THSD7A: variants seen among roughly 807,000 people sequenced by gnomAD.
THSD7A encodes the protein thrombospondin type 1 domain containing 7A, also known as thrombospondin type-1 domain-containing protein 7A.
THSD7A carries 96 observed loss-of-function variants against 231.3 expected under a neutral mutation model. The observed-to-expected ratio is 0.41, with a 90% CI of 0.35 to 0.49. The LOEUF (loss-of-function observed/expected upper bound fraction) is 0.49, where lower values mean the gene tolerates loss of function less well. Ranked by LOEUF, THSD7A falls within the 20% of genes least tolerant of loss-of-function variation. THSD7A has a pLI of 0.05. For synonymous variants in THSD7A, 940 were observed against 743.3 expected (o/e 1.26, Z -4.30); for missense variants, 2,290 against 2,070.2 (o/e 1.11, Z -2.06).
At chr7:11,466,330 T>G (rs1167273282) in intron 9 of THSD7A, among the ~76,000 whole-genome samples, 1 of 152,192 alleles carries the variant, frequency 6.6e-6, no homozygotes, top group Non-Finnish European at 1.5e-5. Context: ...AAATGATACT[T>G]GGGTTATTTC....
chr7:11,567,222 A>C (rs1000243754), intron 4 of THSD7A, among the ~76,000 whole-genome samples: 2 of 152,114 alleles, frequency 1.3e-5, no homozygotes, highest in Non-Finnish European at 2.9e-5. Flanking sequence ...GCCTCTGGAA[A>C]CTTAAAAATC....
At chr7:11,483,367 C>G (rs1437606059) in intron 6 of THSD7A, among the ~76,000 whole-genome samples, 1 of 152,186 alleles carries the variant, frequency 6.6e-6, no homozygotes, top group Non-Finnish European at 1.5e-5. Context: ...ATAGCCATTA[C>G]ATTGCAAGGC....
intron 4 of THSD7A, among the ~76,000 whole-genome samples, chr7:11,546,430 G>C (rs1189947113): frequency 6.6e-6 from 1 of 152,136 alleles, no homozygotes; most frequent in African/African-American, 2.4e-5. Context: ...CATAGGCCTG[G>C]TCCCAGGTCC....
chr7:11,764,115 A>G (rs1198480824), intron 1 of THSD7A, among the ~76,000 whole-genome samples: 1 of 152,212 alleles, frequency 6.6e-6, no homozygotes, highest in African/African-American at 2.4e-5. Flanking sequence ...CTAAGAAACC[A>G]AATTTTATAT....
intron 1 of THSD7A, among the ~76,000 whole-genome samples, chr7:11,677,584 C>CAAAAAAAAAAAAAAAAAAAAAA (rs553030554): frequency 4.5e-5 from 1 of 22,274 alleles, no homozygotes; most frequent in African/African-American, 2.6e-4. Context: ...AAATGGAAAG[C>CAAAAAAAAAAAAAAAAAAAAAA]AAAAAAAAAA....
chr7:11,804,780 T>G (rs908623493), intron 1 of THSD7A, among the ~76,000 whole-genome samples: 6 of 152,196 alleles, frequency 3.9e-5, no homozygotes, highest in African/African-American at 1.4e-4. Flanking sequence ...ATTGTTTGCT[T>G]AATGAGTTGC....
At chr7:11,521,282 C>T (rs983593453) in intron 6 of THSD7A, among the ~76,000 whole-genome samples, 1 of 152,016 alleles carries the variant, frequency 6.6e-6, no homozygotes, top group African/African-American at 2.4e-5. Flanking sequence ...CTTTCATTCT[C>T]TTAGAACTTT....
Position 11,474,004 on chromosome 7 carries a change from G to A in THSD7A, c.2252+330C>T, listed in dbSNP as rs934118891. ...GGTCATGGATGACCTACACTGCCAG[G>A]ACCTAGTACACTGTCATTATTGATC... On this transcript the variant is annotated intron_variant, in intron 8 of 27. Transcript: ENST00000423059. The surrounding 1 kb of genome is among the most constrained non-coding windows in gnomAD (Gnocchi z 4.1). Among the ~76,000 whole-genome samples the A allele has an allele frequency of 5.9e-5, 9 of 152,078 alleles. No homozygotes were observed. Among genetic ancestry groups the A allele is most frequent in the Non-Finnish European group, 1.2e-4 (8 of 68,034 alleles).
At chr7:11,717,115 G>C (rs548910990) in intron 1 of THSD7A, among the ~76,000 whole-genome samples, 3 of 151,616 alleles carry the variant, frequency 2.0e-5, no homozygotes, top group African/African-American at 7.2e-5. Flanking sequence ...CTGATCGTTT[G>C]CAAATATAGT....
intron 3 of THSD7A, among the ~76,000 whole-genome samples, chr7:11,592,795 G>C (rs1780215516): frequency 1.3e-5 from 2 of 152,142 alleles, no homozygotes; most frequent in African/African-American, 4.8e-5. Flanking sequence ...TATTTGGAAA[G>C]TTTATTTTAC....
chr7:11,808,221 T>A (rs1784446284), intron 1 of THSD7A, among the ~76,000 whole-genome samples: 4 of 152,138 alleles, frequency 2.6e-5, no homozygotes, highest in Admixed American at 2.6e-4. Context: ...GTTGCCAATG[T>A]GACAATATTA....
intron 2 of THSD7A, among the ~76,000 whole-genome samples, chr7:11,623,298 A>G (rs1781376915): frequency 1.3e-5 from 2 of 152,150 alleles, no homozygotes; most frequent in South Asian, 4.1e-4. Flanking sequence ...GGAACTAGGA[A>G]AAGCAAGGAA....
chr7:11,490,539 T>C (rs572305040), intron 6 of THSD7A, among the ~76,000 whole-genome samples: 4 of 152,206 alleles, frequency 2.6e-5, no homozygotes, highest in South Asian at 2.1e-4. Context: ...CCAACTATCA[T>C]GGTACATGTG....
Position 11,438,805 on chromosome 7 carries a change from A to C in THSD7A, c.3064+7256T>G, listed in dbSNP as rs1332508321. ...ATCATGATTCTTAGAGCACAAAGAA[A>C]AGTGTGCCCGGCACTTAAACATAAT... is the stretch of plus-strand genomic sequence containing the variant. On this transcript the variant is annotated intron_variant, in intron 13 of 27. Transcript: ENST00000423059. Among the ~76,000 whole-genome samples the C allele has an allele frequency of 2.0e-5, 3 of 152,124 alleles. 1 individual carries two copies. Among genetic ancestry groups the C allele is most frequent in the Admixed American group, 2.0e-4 (3 of 15,244 alleles).
intron 1 of THSD7A, among the ~76,000 whole-genome samples, chr7:11,733,625 G>C (rs1448586092): frequency 6.6e-6 from 1 of 151,772 alleles, no homozygotes; most frequent in Non-Finnish European, 1.5e-5. Context: ...TACACAGAAG[G>C]CAGGAAGTGA....
chr7:11,493,017 C>T (rs1174423240), intron 6 of THSD7A, among the ~76,000 whole-genome samples: 1 of 152,034 alleles, frequency 6.6e-6, no homozygotes, highest in Non-Finnish European at 1.5e-5. Context: ...CCTTGGGAAC[C>T]ACACATGTAT....
chr7:11,484,843 C>G (rs1389495910), intron 6 of THSD7A, among the ~76,000 whole-genome samples: 1 of 140,922 alleles, frequency 7.1e-6, no homozygotes, highest in Admixed American at 7.3e-5. Flanking sequence ...AATGCAGCCT[C>G]TCAGACTCAA....
At position 11,691,376 on chromosome 7, in the gene THSD7A, A is replaced by G. The variant is rs146872289; in HGVS notation, c.191-54415T>C. On this transcript the variant is annotated intron_variant, in intron 1 of 27. Transcript: ENST00000423059. ...ATATGATATCAAAACAGAGTACAATAGAGATATTTAACCTGGTTCAGGGTG... is the reference window on the plus strand; with the variant it reads ...ATATGATATCAAAACAGAGTACAATGGAGATATTTAACCTGGTTCAGGGTG... Among the ~76,000 whole-genome samples the G allele has an allele frequency of 1.3e-4, 20 of 151,588 alleles. No individual in the cohort carries two copies. The East Asian group carries it at 3.9e-3, about 30-fold the overall frequency.
At chr7:11,668,818 C>A (rs961775928) in intron 1 of THSD7A, among the ~76,000 whole-genome samples, 2 of 152,168 alleles carry the variant, frequency 1.3e-5, no homozygotes, top group African/African-American at 4.8e-5. Context: ...TTAAGAACAA[C>A]TGATTCCTTT....
Sources: gnomAD v4.1 joint callset for allele counts (sites outside exome capture counted in the v4.1 genomes callset) on GRCh38, gnomAD v4.1.1 for gene constraint, Gnocchi (gnomAD v3.1) non-coding constraint, MANE v1.5 for transcripts, NCBI Gene and HGNC (gene_info 2026-07-23, HGNC 2026-07-21) for gene names.